Variants in POLR1A observed in about 807,000 individuals in gnomAD.
The protein encoded by POLR1A is DNA-directed RNA polymerase I subunit RPA1.
A neutral mutation model predicts 205.3 loss-of-function variants in POLR1A; 84 were observed. The observed-to-expected ratio is 0.41, with a 90% CI of 0.34 to 0.49. The LOEUF (loss-of-function observed/expected upper bound fraction) is 0.49, where lower values mean the gene tolerates loss of function less well. Among genes scored for constraint, POLR1A ranks in the 20% least tolerant of loss-of-function variants. The pLI, the probability that POLR1A is intolerant of heterozygous loss-of-function variation, is 0.22. For synonymous variants in POLR1A, 799 were observed against 863.7 expected, an observed-to-expected ratio of 0.93 and a Z score of 1.31; for missense variants, 1,645 against 2,204.5, an observed-to-expected ratio of 0.75 and a Z score of 5.08.
chr2:86,077,652 A>C (rs917699408), intron 11 of POLR1A, among the ~76,000 whole-genome samples: 1 of 152,164 alleles, frequency 6.6e-6, no homozygotes, highest in Non-Finnish European at 1.5e-5. Context: ...CAGCAATGCC[A>C]TCATGCAGCT....
chr2:86,077,191 A>T (rs887588991), intron 11 of POLR1A, among the ~76,000 whole-genome samples: 3 of 152,168 alleles, frequency 2.0e-5, no homozygotes, highest in African/African-American at 7.2e-5. Context: ...ACTGACATAG[A>T]GGCCGGCCCA....
chr2:86,027,636 T>C, intron 33 of POLR1A, 113 bp from the exon 34 acceptor site: 3 of 974,206 alleles, frequency 3.1e-6, no homozygotes, highest in Non-Finnish European at 4.8e-6. Flanking sequence ...GTCCTGAGTC[T>C]CTGAAGCTGA....
chr2:86,022,684 GCTCA>G lies in POLR1A; in HGVS notation c.*4735_*4738del, dbSNP rs1382219640. The G allele has an allele frequency of 3.9e-5, 6 of 152,118 alleles. No individual in the cohort carries two copies. The allele number at this position is 152,118 out of a possible 1,614,324, so 9.4% of individuals were successfully genotyped here. On this transcript the variant is annotated 3_prime_UTR_variant, in exon 34 of 34. Transcript: ENST00000263857. ...GCTCATTGCAGCCTTGAACTCCTGGGCTCACTTGCTCCTCTCACCTCAGCCTCTT... is the reference window on the plus strand; with the variant it reads ...GCTCATTGCAGCCTTGAACTCCTGGGCTTGCTCCTCTCACCTCAGCCTCTT...
Position 86,075,192 on chromosome 2 carries a change from C to T in POLR1A, c.1449G>A (p.Ala483=), listed in dbSNP as rs769290075. 2.2e-5 allele frequency: 35 copies of T among 1,612,994 alleles called. No homozygotes were observed. Among genetic ancestry groups the T allele is most frequent in the African/African-American group, 2.1e-4 (16 of 74,892 alleles). ...TPWNVQELRQ[A]VINGPNVHPG... The stretch of plus-strand genomic sequence containing the variant: ...GGTGCACATTAGGGCCGTTGATGAC[C>T]GCTTGCCTAAGTTCCTGAACATTCC... The change falls in exon 12 of 34, where the codon GCG becomes GCA. Residue 483 remains alanine (A), a synonymous_variant. Transcript: ENST00000263857.
At chr2:86,091,941 C>T (rs1012990566) in intron 3 of POLR1A, among the ~76,000 whole-genome samples, 10 of 152,018 alleles carry the variant, frequency 6.6e-5, no homozygotes, top group Admixed American at 3.3e-4. Flanking sequence ...TGGTGACACC[C>T]CATCTCTACT....
chr2:86,044,402 G>A (rs1672675393), intron 21 of POLR1A, 98 bp from the exon 22 acceptor site: 4 of 1,316,160 alleles, frequency 3.0e-6, no homozygotes, highest in South Asian at 1.3e-5. Context: ...GGAAAGGGGG[G>A]CTCCTGTTCT....
In POLR1A at chr2:86,022,965, C is replaced by G. The variant is rs1690177904; in HGVS notation, c.*4458G>C. The G allele has an allele frequency of 6.6e-6, 1 of 152,056 alleles. No individual in the cohort carries two copies. 9.4% of individuals were successfully genotyped at this position (152,056 alleles called of 1,614,324 possible). A position where few individuals can be genotyped will look rare whatever the true frequency, so the allele number is the denominator to read the frequency against. ...ACATAATCTCGGCTCACTGCAACCT[C>G]CAACTCCCCGGTTCAAGTGATTCTC... On this transcript the variant is annotated 3_prime_UTR_variant, in exon 34 of 34. Coordinates refer to ENST00000263857, the MANE Select transcript of POLR1A (RefSeq NM_015425.6).
chr2:86,041,479 G>A (rs1017112781), intron 24 of POLR1A, among the ~76,000 whole-genome samples: 5 of 152,008 alleles, frequency 3.3e-5, no homozygotes, highest in Non-Finnish European at 5.9e-5. Context: ...TGGAGTAATC[G>A]GATCCAAGGC....
At chr2:86,043,717 G>A (rs573889044) in intron 22 of POLR1A, among the ~76,000 whole-genome samples, 61 of 152,228 alleles carry the variant, frequency 4.0e-4, no homozygotes, top group African/African-American at 1.4e-3. Context: ...TGTGTCTGAC[G>A]GGCCCATGTT....
chr2:86,052,752 C>G, intron 16 of POLR1A, 65 bp downstream of exon 16: 1 of 1,327,040 alleles, frequency 7.5e-7, no homozygotes. Context: ...TGTCCTGGGC[C>G]TGGGAGATGG....
chr2:86,075,023 T>C lies in POLR1A; in HGVS notation c.1611+7A>G. On this transcript the variant is annotated splice_region_variant and intron_variant, in intron 12 of 33. Coordinates refer to ENST00000263857, the MANE Select transcript of POLR1A (RefSeq NM_015425.6). ...ATGGGTCCCTGACCAAAGCTGCCCT[T>C]ACTCACAATTTTTGTCCCCTGGGGC... The C allele has an allele frequency of 6.3e-7, 1 of 1,594,064 alleles. No individual in the cohort carries two copies. The highest frequency in any genetic ancestry group is 2.2e-5 in the East Asian group (1 of 44,586).
intron 13 of POLR1A, among the ~76,000 whole-genome samples, chr2:86,068,738 G>A (rs1396269901): frequency 6.6e-6 from 1 of 152,188 alleles, no homozygotes; most frequent in East Asian, 1.9e-4. Context: ...ACAAAGGTGG[G>A]CAGAGAAGGG....
At chr2:86,040,349 A>C (rs1384360338) in intron 25 of POLR1A, 43 bp downstream of exon 25, 1 of 1,435,444 alleles carries the variant, frequency 7.0e-7, no homozygotes, top group East Asian at 2.5e-5. Context: ...TCTCCAGGAG[A>C]GGCTAGGACA....
intron 18 of POLR1A, among the ~76,000 whole-genome samples, chr2:86,048,475 C>T (rs1672744616): frequency 6.6e-6 from 1 of 152,206 alleles, no homozygotes; most frequent in Non-Finnish European, 1.5e-5. Flanking sequence ...CAAGGTCACA[C>T]AGCAAGTTCA....
intron 21 of POLR1A, 43 bp from the exon 22 acceptor site, chr2:86,044,347 T>TC: frequency 6.2e-7 from 1 of 1,608,038 alleles, no homozygotes; most frequent in Non-Finnish European, 8.5e-7. Flanking sequence ...GCCCATCACC[T>TC]CCCCAGGGCA....
intron 4 of POLR1A, among the ~76,000 whole-genome samples, chr2:86,089,145 T>C (rs1449147286): frequency 1.3e-5 from 2 of 152,206 alleles, no homozygotes; most frequent in Non-Finnish European, 2.9e-5. Context: ...ATGAATGCAG[T>C]GGGGGCTTGA....
At chr2:86,064,549 C>A (rs1217501392) in intron 14 of POLR1A, among the ~76,000 whole-genome samples, 1 of 152,104 alleles carries the variant, frequency 6.6e-6, no homozygotes, top group Non-Finnish European at 1.5e-5. Flanking sequence ...TTATCATCTC[C>A]TAAATGGAGA....
intron 3 of POLR1A, among the ~76,000 whole-genome samples, chr2:86,092,376 T>C (rs1018060752): frequency 6.6e-6 from 1 of 152,234 alleles, no homozygotes; most frequent in Non-Finnish European, 1.5e-5. Context: ...TAGCCGCTGA[T>C]GTGATCTCGT....
At position 86,028,509 on chromosome 2, in the gene POLR1A, G is replaced by A. The variant is rs1311001126; in HGVS notation, c.4897+85C>T. On this transcript the variant is annotated intron_variant, in intron 32 of 33. Transcript: ENST00000263857. The surrounding 1 kb of genome is among the most constrained non-coding windows in gnomAD (Gnocchi z 4.5). ...TGCTGGACTGACTCGGTGCTGGACC[G>A]ACACGGTCCTGACCCTCCTGCCGAG... is the stretch of plus-strand genomic sequence containing the variant. 1.1e-5 allele frequency: 10 copies of A among 944,538 alleles called. No homozygotes were observed. The highest frequency in any genetic ancestry group is 3.4e-5 in the Admixed American group (2 of 58,472). 58.5% of individuals were successfully genotyped at this position (944,538 alleles called of 1,614,324 possible). A position where few individuals can be genotyped will look rare whatever the true frequency, so the allele number is the denominator to read the frequency against.
Sources: allele counts gnomAD v4.1 joint callset (sites outside exome capture counted in the v4.1 genomes callset), GRCh38; gene constraint gnomAD v4.1.1; non-coding constraint Gnocchi (gnomAD v3.1); transcripts MANE v1.5; gene names NCBI Gene and HGNC (gene_info 2026-07-23, HGNC 2026-07-21).